Variants in VCL observed in about 807,000 individuals in gnomAD.
The protein encoded by VCL is epididymis luminal protein 114.
VCL carries 47 observed loss-of-function variants against 125.7 expected under a neutral mutation model. That is an observed-to-expected ratio of 0.37 (90% CI 0.30 to 0.48). The LOEUF (loss-of-function observed/expected upper bound fraction) is 0.48, where lower values mean the gene tolerates loss of function less well. Ranked by LOEUF, VCL falls within the 20% of genes least tolerant of loss-of-function variation. The pLI, the probability that VCL is intolerant of heterozygous loss-of-function variation, is 0.99. For synonymous variants in VCL, 458 were observed against 514.6 expected (o/e 0.89, Z 1.49); for missense variants, 1,069 against 1,455.5 (o/e 0.73, Z 4.32).
chr10:74,090,292 A>G (rs1839858833), intron 10 of VCL, 94 bp downstream of exon 10: 2 of 1,437,870 alleles, frequency 1.4e-6, no homozygotes, highest in Non-Finnish European at 1.9e-6. Flanking sequence ...CCCCAAGAAC[A>G]TACATATTTC....
At chr10:74,072,681 C>A in intron 4 of VCL, 49 bp from the exon 5 acceptor site, 1 of 1,613,162 alleles carries the variant, frequency 6.2e-7, no homozygotes, top group Non-Finnish European at 8.5e-7. Flanking sequence ...AAGCCAGACC[C>A]GGGATTGTTT....
intron 12 of VCL, among the ~76,000 whole-genome samples, chr10:74,096,618 AAG>A (rs1839973439): frequency 6.6e-6 from 1 of 152,204 alleles, no homozygotes; most frequent in African/African-American, 2.4e-5. Flanking sequence ...GACTATGAAA[AAG>A]AGCTTGTTCA....
intron 1 of VCL, among the ~76,000 whole-genome samples, chr10:74,037,176 TA>T (rs1840996435): frequency 6.6e-6 from 1 of 152,160 alleles, no homozygotes; most frequent in African/African-American, 2.4e-5. Flanking sequence ...CCTTGTGATC[TA>T]CCCACTTACG....
intron 1 of VCL, among the ~76,000 whole-genome samples, chr10:74,006,438 C>A (rs1200266542): frequency 6.6e-6 from 1 of 152,162 alleles, no homozygotes; most frequent in Admixed American, 6.6e-5. Context: ...TAGATTGGGT[C>A]CTCCTGTTAC....
At chr10:74,081,398 C>T (rs1334410988) in intron 6 of VCL, among the ~76,000 whole-genome samples, 6 of 152,060 alleles carry the variant, frequency 3.9e-5, no homozygotes, top group African/African-American at 7.2e-5. Context: ...CTGGTGCCCC[C>T]GTGTGGAAAA....
chr10:74,089,236 C>T lies in VCL; in HGVS notation c.1063C>T (p.Gln355Ter), dbSNP rs1485057884. Residue 355 changes from glutamine (Q) to a stop codon, truncating the protein, a stop_gained, in exon 9 of 22, where the codon CAG becomes TAG. Transcript: ENST00000211998. LOFTEE classifies it high-confidence loss of function. The part of the protein sequence containing the change: ...SSPVAMQKAQ[Q>*]VSQGLDVLTA... The stretch of plus-strand genomic sequence containing the variant: ...ACCGGTGGCCATGCAGAAAGCTCAG[C>T]AGGTATCTCAGGGTCTGGATGTGCT... 1 of 1,614,014 alleles carries T rather than the reference C, an allele frequency of 6.2e-7. No homozygotes were observed. The highest frequency in any genetic ancestry group is 8.5e-7 in the Non-Finnish European group (1 of 1,179,980).
chr10:74,046,373 T>A (rs1841196568), intron 2 of VCL, among the ~76,000 whole-genome samples: 1 of 152,026 alleles, frequency 6.6e-6, no homozygotes, highest in African/African-American at 2.4e-5. Context: ...TCACCCCGAG[T>A]CGCTGGGACT....
chr10:74,102,023 G>T (rs1840065799), intron 14 of VCL, among the ~76,000 whole-genome samples: 1 of 90,374 alleles, frequency 1.1e-5, no homozygotes, highest in Non-Finnish European at 2.4e-5. Flanking sequence ...CCGCCACCAT[G>T]CCCGGCTAAT....
At chr10:74,039,825 A>G (rs1841060238) in intron 1 of VCL, among the ~76,000 whole-genome samples, 2 of 151,858 alleles carry the variant, frequency 1.3e-5, no homozygotes, top group Admixed American at 6.6e-5. Context: ...CTTGTTTAGA[A>G]CTCCTGCCTC....
At chr10:74,066,557 AAAGAAAATC>A (rs1252715208) in intron 2 of VCL, among the ~76,000 whole-genome samples, 1 of 152,214 alleles carries the variant, frequency 6.6e-6, no homozygotes, top group Non-Finnish European at 1.5e-5. Context: ...GTAAAAGTAT[AAAGAAAATC>A]AAGAAAATAA....
At chr10:74,047,286 G>A (rs1841210283) in intron 2 of VCL, among the ~76,000 whole-genome samples, 1 of 152,186 alleles carries the variant, frequency 6.6e-6, no homozygotes, top group South Asian at 2.1e-4. Flanking sequence ...GACAGAGTGA[G>A]ACCCTGTGTA....
intron 10 of VCL, among the ~76,000 whole-genome samples, chr10:74,092,551 G>T (rs1472859293): frequency 4.6e-5 from 7 of 152,094 alleles, no homozygotes; most frequent in Admixed American, 1.3e-4. Context: ...CCACCTCTTA[G>T]TCGCTGTGTG....
chr10:74,099,707 T>C (rs1840021377), intron 13 of VCL, among the ~76,000 whole-genome samples: 1 of 152,182 alleles, frequency 6.6e-6, no homozygotes, highest in East Asian at 1.9e-4. Context: ...GGCATTGAGA[T>C]GGTCAACCAA....
intron 15 of VCL, 127 bp downstream of exon 15, chr10:74,104,055 C>T: frequency 1.1e-6 from 1 of 929,098 alleles, no homozygotes; most frequent in Non-Finnish European, 1.7e-6. Context: ...GAGCAGTGTA[C>T]TTGGCTCTGC....
chr10:74,118,461 G>C lies in VCL; in HGVS notation c.*292G>C, dbSNP rs77295081. ...AGCCCATGGACTTCACATAAGCTCA[G>C]AATCCAAGTGAACACTAGCCAGACA... On this transcript the variant is annotated 3_prime_UTR_variant, in exon 22 of 22. Transcript: ENST00000211998. 6.3e-3 allele frequency: 2,697 copies of C among 431,194 alleles called. 64 individuals are homozygous for C. Among genetic ancestry groups the C allele is most frequent in the African/African-American group, 0.049 (2,416 of 49,580 alleles). 26.7% of individuals were successfully genotyped at this position (431,194 alleles called of 1,614,324 possible).
downstream of VCL, chr10:74,120,932 T>TAAAG (rs955810255): frequency 9.2e-5 from 14 of 152,300 alleles, no homozygotes; most frequent in African/African-American, 3.4e-4. Flanking sequence ...TCTTCTTCCT[T>TAAAG]AAAGAAACAC....
rs775532257 is a variant in VCL, at chr10:74,043,152, A to C, written c.238A>C (p.Lys80Gln). The change falls in exon 2 of 22, where the codon AAG becomes CAG. Residue 80 changes from lysine (K) to glutamine (Q), a missense_variant and splice_region_variant. This residue lies in a region of VCL where 96 missense variants were observed against 137.6 expected (regional missense o/e 0.70). Coordinates refer to ENST00000211998, the MANE Select transcript of VCL (RefSeq NM_014000.3). The stretch of plus-strand genomic sequence containing the variant: ...GAGAGATATGCCACCAGCATTTATT[A>C]AGTGAGTAATTGAAATATTCTTCTG... ...LKRDMPPAFIKVENACTKLVQ... is the reference protein window; with the variant it reads ...LKRDMPPAFIQVENACTKLVQ... The C allele has an allele frequency of 1.4e-5, 23 of 1,612,286 alleles. No individual in the cohort carries two copies. Among genetic ancestry groups the C allele is most frequent in the Non-Finnish European group, 2.0e-5 (23 of 1,178,712 alleles).
chr10:74,095,842 A>G lies in VCL; in HGVS notation c.1730A>G (p.Gln577Arg). 2 of 1,613,790 alleles carry G rather than the reference A, an allele frequency of 1.2e-6. No individual in the cohort carries two copies. The highest frequency in any genetic ancestry group is 2.2e-5 in the South Asian group (2 of 91,080). ...GCACGAGCACTTGCATCTCAGCTCC[A>G]AGACTCCTTAAAGGTAGAAGTCAGG... ...PQARALASQLQDSLKDLKARM... is the reference protein window; with the variant it reads ...PQARALASQLRDSLKDLKARM... Residue 577 changes from glutamine (Q) to arginine (R), a missense_variant, in exon 12 of 22, where the codon CAA becomes CGA. This residue lies in a region of VCL where 760 missense variants were observed against 928.9 expected (regional missense o/e 0.82). Coordinates refer to ENST00000211998, the MANE Select transcript of VCL (RefSeq NM_014000.3).
chr10:74,051,803 G>A (rs933235493), intron 2 of VCL, among the ~76,000 whole-genome samples: 3 of 152,174 alleles, frequency 2.0e-5, no homozygotes, highest in Non-Finnish European at 4.4e-5. Context: ...CAAAACTGAG[G>A]TTTATCCCAA....
Sources: gnomAD v4.1 joint callset for allele counts (sites outside exome capture counted in the v4.1 genomes callset) on GRCh38, gnomAD v4.1.1 for gene constraint, gnomAD v4.1.1 regional missense constraint, MANE v1.5 for transcripts, NCBI Gene and HGNC (gene_info 2026-07-23, HGNC 2026-07-21) for gene names.